CACNA2D3: variants seen among roughly 807,000 people sequenced by gnomAD.
The protein encoded by CACNA2D3 is voltage-dependent calcium channel subunit alpha-2/delta-3.
Under a neutral mutation model 160.6 loss-of-function variants are expected in CACNA2D3, and 60 were observed. That is an observed-to-expected ratio of 0.37 (90% CI 0.30 to 0.46). The LOEUF (loss-of-function observed/expected upper bound fraction) is 0.46. CACNA2D3 is among the 20% of genes least tolerant of loss of function. CACNA2D3 has a pLI of 1.00. For synonymous variants in CACNA2D3, 558 were observed against 492.9 expected (o/e 1.13, Z -1.75); for missense variants, 1,205 against 1,365.0 (o/e 0.88, Z 1.85).
At chr3:54,407,922 A>C (rs1272428161) in intron 4 of CACNA2D3, among the ~76,000 whole-genome samples, 1 of 152,108 alleles carries the variant, frequency 6.6e-6, no homozygotes, top group Admixed American at 6.6e-5. Flanking sequence ...TATAACATCT[A>C]GGTGATTTCT....
chr3:54,544,880 A>G (rs552232079), intron 5 of CACNA2D3, among the ~76,000 whole-genome samples: 2 of 152,368 alleles, frequency 1.3e-5, no homozygotes, highest in South Asian at 4.1e-4. Flanking sequence ...ATTCATATAC[A>G]AAGTAAAACC....
intron 21 of CACNA2D3, among the ~76,000 whole-genome samples, chr3:54,884,984 C>A (rs1194077515): frequency 6.6e-6 from 1 of 152,162 alleles, no homozygotes; most frequent in Admixed American, 6.5e-5. Flanking sequence ...TGTTAAGCTT[C>A]TCCCTCCGGA....
At chr3:54,711,071 A>G (rs935954026) in intron 11 of CACNA2D3, among the ~76,000 whole-genome samples, 1 of 152,186 alleles carries the variant, frequency 6.6e-6, no homozygotes, top group African/African-American at 2.4e-5. Flanking sequence ...ATTGGTGAGC[A>G]AAGGCCAAAC....
At chr3:54,578,705 T>G (rs1013856917) in intron 8 of CACNA2D3, among the ~76,000 whole-genome samples, 1 of 152,250 alleles carries the variant, frequency 6.6e-6, no homozygotes. Context: ...TGGCTGGGAT[T>G]CTGAAGAGCG....
At chr3:54,555,465 C>T (rs572143769) in intron 5 of CACNA2D3, among the ~76,000 whole-genome samples, 5 of 152,110 alleles carry the variant, frequency 3.3e-5, no homozygotes, top group South Asian at 2.1e-4. Context: ...CACCACAAGC[C>T]AGAGCAGTTA....
At chr3:54,360,527 A>G (rs535035256) in intron 3 of CACNA2D3, among the ~76,000 whole-genome samples, 1 of 152,214 alleles carries the variant, frequency 6.6e-6, no homozygotes, top group East Asian at 1.9e-4. Context: ...CTGCAGGGGT[A>G]TCGAGAGGCC....
Position 54,627,837 on chromosome 3 carries a change from G to A in CACNA2D3, c.1014G>A (p.Leu338=), listed in dbSNP as rs1699156408. ...DKLFAKGIGM[L]DIALNEAFNI... is the part of the protein sequence containing the mutation. Reference sequence around the variant, plus strand: ...TTTTCGCCAAAGGAATTGGAATGTTGGATATAGCTCTGAATGAGGCCTTCA... The same window carrying A: ...TTTTCGCCAAAGGAATTGGAATGTTAGATATAGCTCTGAATGAGGCCTTCA... The change falls in exon 10 of 38, where the codon TTG becomes TTA. Residue 338 remains leucine, a synonymous_variant. Transcript: ENST00000474759. The A allele has an allele frequency of 6.2e-7, 1 of 1,610,250 alleles. No homozygotes were observed. Among genetic ancestry groups the A allele is most frequent in the Non-Finnish European group, 8.5e-7 (1 of 1,178,220 alleles).
At chr3:54,905,663 T>G (rs1700435313) in intron 27 of CACNA2D3, among the ~76,000 whole-genome samples, 1 of 152,144 alleles carries the variant, frequency 6.6e-6, no homozygotes, top group Non-Finnish European at 1.5e-5. Flanking sequence ...AAAAAACATT[T>G]CTGATTGGCA....
At chr3:54,611,797 GA>G (rs373361045) in intron 9 of CACNA2D3, among the ~76,000 whole-genome samples, 3 of 149,048 alleles carry the variant, frequency 2.0e-5, no homozygotes, top group African/African-American at 2.5e-5. Flanking sequence ...AGAGAAGAGT[GA>G]AAAAAAAAAT....
chr3:55,008,169 A>C (rs750426039), intron 33 of CACNA2D3, among the ~76,000 whole-genome samples: 44 of 152,358 alleles, frequency 2.9e-4, no homozygotes, highest in Non-Finnish European at 5.4e-4. Context: ...CTGTGGTCAG[A>C]AGAGCACACT....
intron 34 of CACNA2D3, among the ~76,000 whole-genome samples, chr3:55,013,471 T>C (rs1703255229): frequency 6.6e-6 from 1 of 152,190 alleles, no homozygotes; most frequent in African/African-American, 2.4e-5. Context: ...CATTGGGATA[T>C]CTTATTAAAT....
chr3:54,200,869 TTTG>T (rs932230423), intron 2 of CACNA2D3, among the ~76,000 whole-genome samples: 7 of 152,360 alleles, frequency 4.6e-5, no homozygotes, highest in African/African-American at 1.7e-4. Flanking sequence ...TAGGAACTTT[TTTG>T]TTGTTGTTGA....
rs73844319 is a variant in CACNA2D3 at position 54,153,899 on chromosome 3, A to T, written c.204+30305A>T. Among the ~76,000 whole-genome samples, 1,068 of 152,324 alleles carry T rather than the reference A, an allele frequency of 7.0e-3. 13 individuals are homozygous for T. Among genetic ancestry groups the T allele is most frequent in the African/African-American group, 0.024 (1,017 of 41,570 alleles). On this transcript the variant is annotated intron_variant, in intron 2 of 37. Transcript: ENST00000474759. ...GCAGTTCCTTTGGTGCACTTTTGATAAAGTGAAATGCAATATAAAGCCCTT... is the reference window on the plus strand; with the variant it reads ...GCAGTTCCTTTGGTGCACTTTTGATTAAGTGAAATGCAATATAAAGCCCTT...
At chr3:54,923,099 T>C (rs776207707) in intron 27 of CACNA2D3, among the ~76,000 whole-genome samples, 3 of 152,172 alleles carry the variant, frequency 2.0e-5, no homozygotes, top group Non-Finnish European at 4.4e-5. Flanking sequence ...CTTTCGTCAG[T>C]TCTCCCAAGA....
intron 35 of CACNA2D3, among the ~76,000 whole-genome samples, chr3:55,055,866 A>AACT (rs1704348280): frequency 6.6e-6 from 1 of 152,140 alleles, no homozygotes; most frequent in Non-Finnish European, 1.5e-5. Flanking sequence ...CAGAAATGCT[A>AACT]AAAACTACAC....
At chr3:55,018,126 G>T in intron 34 of CACNA2D3, 80 bp from the exon 35 acceptor site, 1 of 780,156 alleles carries the variant, frequency 1.3e-6, no homozygotes. Flanking sequence ...ACTGTGTTCT[G>T]GGTTGCTGTG....
chr3:54,228,337 A>G (rs570827270), intron 2 of CACNA2D3, among the ~76,000 whole-genome samples: 4 of 152,188 alleles, frequency 2.6e-5, no homozygotes, highest in Non-Finnish European at 5.9e-5. Context: ...CCTCCGAGTG[A>G]GTTTTGATTG....
intron 27 of CACNA2D3, among the ~76,000 whole-genome samples, chr3:54,926,495 G>A (rs562351501): frequency 7.5e-6 from 1 of 132,544 alleles, no homozygotes; most frequent in South Asian, 2.7e-4. Flanking sequence ...GTGCTCCACT[G>A]CCTGTCAAAT....
intron 5 of CACNA2D3, among the ~76,000 whole-genome samples, chr3:54,536,812 T>C (rs1701896662): frequency 6.6e-6 from 1 of 152,216 alleles, no homozygotes; most frequent in Non-Finnish European, 1.5e-5. Flanking sequence ...AGCTGAAGCC[T>C]ATTCTCTTGC....
Sources: gnomAD v4.1 joint callset for allele counts (sites outside exome capture counted in the v4.1 genomes callset) on GRCh38, gnomAD v4.1.1 for gene constraint, MANE v1.5 for transcripts, NCBI Gene and HGNC (gene_info 2026-07-23, HGNC 2026-07-21) for gene names.